CWF19L2: variants seen among roughly 807,000 people sequenced by gnomAD.
CWF19L2 encodes the protein CWF19-like protein 2.
CWF19L2 carries 98 observed loss-of-function variants against 111.7 expected under a neutral mutation model. That is an observed-to-expected ratio of 0.88 (90% confidence interval 0.75 to 1.04). CWF19L2 has a LOEUF of 1.04. Ranked by LOEUF, CWF19L2 falls within the 50% of genes least tolerant of loss-of-function variation. CWF19L2 has a pLI of 0.00. For synonymous variants in CWF19L2, 351 were observed against 342.9 expected (o/e 1.02, Z -0.26); for missense variants, 1,101 against 1,051.4 (o/e 1.05, Z -0.65).
chr11:107,442,735 AAAGG>A (rs761215951), intron 4 of CWF19L2, among the ~76,000 whole-genome samples, 200 bp downstream of exon 4: 1,540 of 72,594 alleles, frequency 0.021, 51 homozygotes, highest in African/African-American at 0.024. Context: ...AGAAAGAAAG[AAAGG>A]AAGGAAGGAA....
At position 107,455,788 on chromosome 11, in the gene CWF19L2, GAA is replaced by G. The variant is rs142436949; in HGVS notation, c.106-14_106-13del. 2 of 1,299,690 alleles carry G rather than the reference GAA, an allele frequency of 1.5e-6. No homozygotes were observed. Among genetic ancestry groups the G allele is most frequent in the Non-Finnish European group, 2.1e-6 (2 of 975,448 alleles). The allele number at this position is 1,299,690 out of a possible 1,614,324, so 80.5% of individuals were successfully genotyped here. On this transcript the variant is annotated splice_polypyrimidine_tract_variant and intron_variant, in intron 1 of 17. Coordinates refer to ENST00000282251, the MANE Select transcript of CWF19L2 (RefSeq NM_152434.3). ...AAATTGGCTTTAGCCTACAACCAAAGAAAAAAAAAAGACAAACTGGCAATTGA... is the reference window on the plus strand; with the variant it reads ...AAATTGGCTTTAGCCTACAACCAAAGAAAAAAAAGACAAACTGGCAATTGA...
chr11:107,438,623 C>T (rs1861574397), intron 6 of CWF19L2, among the ~76,000 whole-genome samples: 1 of 152,150 alleles, frequency 6.6e-6, no homozygotes, highest in South Asian at 2.1e-4. Flanking sequence ...AATTAACCTG[C>T]TCCAAATACA....
chr11:107,364,382 AC>A, intron 12 of CWF19L2, among the ~76,000 whole-genome samples: 1 of 148,568 alleles, frequency 6.7e-6, no homozygotes, highest in Middle Eastern at 3.4e-3. Flanking sequence ...TTTTTTCAGC[AC>A]CACACCACAT....
At chr11:107,379,073 T>C (rs980085771) in intron 12 of CWF19L2, among the ~76,000 whole-genome samples, 1 of 152,168 alleles carries the variant, frequency 6.6e-6, no homozygotes, top group African/African-American at 2.4e-5. Context: ...AGATACGTGA[T>C]CCTGGGCAAG....
intron 12 of CWF19L2, among the ~76,000 whole-genome samples, chr11:107,387,680 G>A (rs754217850): frequency 1.1e-4 from 17 of 152,072 alleles, no homozygotes; most frequent in Non-Finnish European, 2.1e-4. Context: ...AGATCAACAG[G>A]AATTAGATTC....
intron 16 of CWF19L2, among the ~76,000 whole-genome samples, chr11:107,330,261 T>C (rs1248138804): frequency 1.3e-5 from 2 of 152,184 alleles, no homozygotes; most frequent in African/African-American, 4.8e-5. Context: ...CAAAACCAAC[T>C]ATTTTGCTGT....
intron 12 of CWF19L2, among the ~76,000 whole-genome samples, chr11:107,378,305 G>A (rs1860625787): frequency 6.7e-6 from 1 of 150,128 alleles, no homozygotes; most frequent in Non-Finnish European, 1.5e-5. Context: ...CTGCTATAAA[G>A]ACACATGCAC....
intron 12 of CWF19L2, among the ~76,000 whole-genome samples, chr11:107,360,088 T>C (rs188056274): frequency 6.6e-6 from 1 of 152,216 alleles, no homozygotes. Context: ...CATTAAGTAA[T>C]TTCTCATCAT....
At chr11:107,444,285 T>C (rs182561306) in intron 3 of CWF19L2, among the ~76,000 whole-genome samples, 85 of 152,236 alleles carry the variant, frequency 5.6e-4, no homozygotes, top group African/African-American at 1.9e-3. Flanking sequence ...ACTGTCCCCA[T>C]TAATCTACTG....
intron 3 of CWF19L2, 73 bp from the exon 4 acceptor site, chr11:107,443,122 T>C (rs767535993): frequency 4.0e-6 from 4 of 1,006,244 alleles, no homozygotes; most frequent in Non-Finnish European, 6.1e-6. Context: ...TGCTGTTAAG[T>C]GGTAGAAATT....
chr11:107,337,637 G>A (rs1184514103), intron 14 of CWF19L2, among the ~76,000 whole-genome samples: 1 of 152,118 alleles, frequency 6.6e-6, no homozygotes, highest in Non-Finnish European at 1.5e-5. Context: ...AATTCTGGAT[G>A]AGCGCGGTGG....
At chr11:107,339,771 T>C (rs1347911423) in intron 14 of CWF19L2, among the ~76,000 whole-genome samples, 1 of 151,384 alleles carries the variant, frequency 6.6e-6, no homozygotes, top group Non-Finnish European at 1.5e-5. Context: ...GTTCGGGTGA[T>C]TCTCCCGCCT....
At chr11:107,440,039 G>A (rs535621427) in intron 5 of CWF19L2, among the ~76,000 whole-genome samples, 2 of 152,158 alleles carry the variant, frequency 1.3e-5, no homozygotes, top group Middle Eastern at 3.2e-3. Flanking sequence ...ACGATGCCAG[G>A]CACTGGGACT....
intron 10 of CWF19L2, among the ~76,000 whole-genome samples, chr11:107,402,068 T>C (rs1212043797): frequency 6.6e-6 from 1 of 152,130 alleles, no homozygotes; most frequent in East Asian, 1.9e-4. Flanking sequence ...TCTCACTTTA[T>C]ACAAAAATCA....
At chr11:107,359,345 T>G (rs596042) in intron 12 of CWF19L2, among the ~76,000 whole-genome samples, 124,598 of 151,820 alleles carry the variant, frequency 0.82, 51,357 homozygotes, top group African/African-American at 0.91. Flanking sequence ...GAAGTAGATG[T>G]CTGGACAGAA....
chr11:107,332,051 T>C lies in CWF19L2; in HGVS notation c.2440-2032A>G, dbSNP rs113682164. ...TTTATTTATGGTAGAAAAATAGACA[T>C]ATTTGGATTTTTCACTTTTATTCCA... On this transcript the variant is annotated intron_variant, in intron 16 of 17. Transcript: ENST00000282251. 2.7e-4 allele frequency among the ~76,000 whole-genome samples: 41 copies of C among 152,312 alleles called. 1 individual carries two copies. The highest frequency in any genetic ancestry group is 8.7e-4 in the African/African-American group (36 of 41,578).
chr11:107,405,377 A>G (rs1861061942), intron 10 of CWF19L2, among the ~76,000 whole-genome samples: 1 of 152,214 alleles, frequency 6.6e-6, no homozygotes, highest in African/African-American at 2.4e-5. Flanking sequence ...AAACTAATTC[A>G]AAATCACTTT....
At chr11:107,432,239 T>C (rs1861474976) in intron 7 of CWF19L2, among the ~76,000 whole-genome samples, 1 of 152,072 alleles carries the variant, frequency 6.6e-6, no homozygotes, top group South Asian at 2.1e-4. Flanking sequence ...ACAATATCAA[T>C]AGTCAATTCA....
At chr11:107,411,853 C>T (rs1318224730) in intron 10 of CWF19L2, among the ~76,000 whole-genome samples, 1 of 151,838 alleles carries the variant, frequency 6.6e-6, no homozygotes, top group African/African-American at 2.4e-5. Context: ...CTTCATTAGG[C>T]CTAATATTTA....
Sources: gnomAD v4.1 joint callset for allele counts (sites outside exome capture counted in the v4.1 genomes callset) on GRCh38, gnomAD v4.1.1 for gene constraint, MANE v1.5 for transcripts, NCBI Gene and HGNC (gene_info 2026-07-23, HGNC 2026-07-21) for gene names.